CREBBP: variants seen among roughly 807,000 people sequenced by gnomAD.
CREBBP encodes CREB binding lysine acetyltransferase, also known as CREB-binding protein.
A neutral mutation model predicts 265.0 loss-of-function variants in CREBBP; 19 were observed. That is an observed-to-expected ratio of 0.07 (90% CI 0.05 to 0.11). CREBBP has a LOEUF of 0.11. Ranked by LOEUF, CREBBP falls within the 10% of genes least tolerant of loss-of-function variation. The pLI is 1.00. For missense variants in CREBBP, 2,525 were observed against 3,219.0 expected (o/e 0.78, Z 5.22); for synonymous variants, 1,457 against 1,223.7 (o/e 1.19, Z -3.98).
chr16:3,740,351 G>A (rs533445049), intron 24 of CREBBP, 48 bp downstream of exon 24: 73 of 1,610,042 alleles, frequency 4.5e-5, no homozygotes, highest in South Asian at 3.6e-4. Context: ...TCTGGCAAGC[G>A]GGCGTGGGGA....
At chr16:3,788,293 T>C (rs2053432759) in intron 5 of CREBBP, among the ~76,000 whole-genome samples, 1 of 152,218 alleles carries the variant, frequency 6.6e-6, no homozygotes, top group African/African-American at 2.4e-5. Flanking sequence ...ATGTGCACAC[T>C]AATCACCCAG....
chr16:3,851,607 C>A (rs1459605509), intron 1 of CREBBP, among the ~76,000 whole-genome samples: 3 of 152,040 alleles, frequency 2.0e-5, no homozygotes, highest in African/African-American at 4.8e-5. Flanking sequence ...GTAATCCCAG[C>A]ACTTTGGGAG....
Position 3,782,732 on chromosome 16 carries a change from G to C in CREBBP, c.1525C>G (p.Pro509Ala). 6.2e-7 allele frequency: 1 copy of C among 1,614,198 alleles called. No homozygotes were observed. Among genetic ancestry groups the C allele is most frequent in the Non-Finnish European group, 8.5e-7 (1 of 1,180,032 alleles). The change falls in exon 6 of 31, where the codon CCA becomes GCA. Residue 509 changes from proline (P) to alanine (A), a missense_variant. Physicochemically the swap from Pro to Ala is conservative, Grantham distance 27. This residue lies in a region of CREBBP where 144 missense variants were observed against 134.0 expected (regional missense o/e 1.07). Coordinates refer to ENST00000262367, the MANE Select transcript of CREBBP (RefSeq NM_004380.3). ...QLQPQVPGQQ[P>A]AQPQTHQQMR... is the part of the protein sequence containing the mutation. Reference sequence around the variant, plus strand: ...TGCTGGTGGGTTTGAGGCTGTGCTGGTTGCTGGCCAGGAACCTGAGGCTGC... The same window carrying C: ...TGCTGGTGGGTTTGAGGCTGTGCTGCTTGCTGGCCAGGAACCTGAGGCTGC...
At chr16:3,740,320 A>G in intron 24 of CREBBP, 79 bp downstream of exon 24, 1 of 1,568,426 alleles carries the variant, frequency 6.4e-7, no homozygotes, top group Non-Finnish European at 8.8e-7. Flanking sequence ...CTCAAACTCA[A>G]GAGCTTTGCA....
chr16:3,793,235 TG>T, intron 4 of CREBBP, 150 bp downstream of exon 4: 1 of 1,024,098 alleles, frequency 9.8e-7, no homozygotes, highest in Non-Finnish European at 1.5e-6. Flanking sequence ...TGTCGTCGCG[TG>T]GGGAACGTGA....
chr16:3,800,953 G>A (rs901542036), intron 3 of CREBBP, among the ~76,000 whole-genome samples: 1 of 152,160 alleles, frequency 6.6e-6, no homozygotes, highest in Non-Finnish European at 1.5e-5. Flanking sequence ...AATCATGATG[G>A]AGCTATTATT....
chr16:3,876,412 A>AC (rs1399711382), intron 1 of CREBBP, among the ~76,000 whole-genome samples: 2 of 149,460 alleles, frequency 1.3e-5, no homozygotes, highest in East Asian at 1.9e-4. Flanking sequence ...AAAAAAAAAA[A>AC]AAAAAAAAAA....
intron 8 of CREBBP, among the ~76,000 whole-genome samples, chr16:3,779,979 G>A (rs892265614): frequency 1.1e-4 from 17 of 151,994 alleles, no homozygotes; most frequent in African/African-American, 3.9e-4. Context: ...CGGGTGCGGT[G>A]GCTCATAACC....
chr16:3,747,235 C>T (rs761641032), intron 21 of CREBBP, among the ~76,000 whole-genome samples: 6 of 152,170 alleles, frequency 3.9e-5, no homozygotes, highest in Admixed American at 1.3e-4. Context: ...CCAAAGATGA[C>T]CCTCTTACAC....
At chr16:3,777,852 C>A in intron 10 of CREBBP, 159 bp downstream of exon 10, 1 of 1,094,400 alleles carries the variant, frequency 9.1e-7, no homozygotes. Context: ...AGTGTCCCAA[C>A]ACAGCCTGAG....
rs750197913 is a variant in CREBBP, at chr16:3,879,978, G to A, written c.-62C>T. ...GGCCGGGCCGGCGAGGGCCCGGACG[G>A]GGGTCGGGGGCCCTGCCGGCTGCGA... On this transcript the variant is annotated 5_prime_UTR_variant, in exon 1 of 31. Transcript: ENST00000262367. 3.3e-6 allele frequency: 5 copies of A among 1,511,752 alleles called. No individual in the cohort carries two copies. The highest frequency in any genetic ancestry group is 1.4e-5 in the African/African-American group (1 of 71,396). The allele number at this position is 1,511,752 out of a possible 1,614,324, so 93.6% of individuals were successfully genotyped here.
At chr16:3,760,548 G>A (rs1422723460) in intron 16 of CREBBP, among the ~76,000 whole-genome samples, 1 of 150,666 alleles carries the variant, frequency 6.6e-6, no homozygotes, top group Non-Finnish European at 1.5e-5. Context: ...GATTACAGGT[G>A]CCCACCACCA....
At chr16:3,850,175 G>C (rs2054797108) in intron 2 of CREBBP, 122 bp downstream of exon 2, 4 of 896,546 alleles carry the variant, frequency 4.5e-6, no homozygotes, top group Admixed American at 1.8e-5. Context: ...CCAAGCATGA[G>C]TGGCACGTGG....
At chr16:3,849,867 T>C (rs1248345618) in intron 2 of CREBBP, among the ~76,000 whole-genome samples, 1 of 152,078 alleles carries the variant, frequency 6.6e-6, no homozygotes, top group African/African-American at 2.4e-5. Flanking sequence ...CACCTCTTCC[T>C]TGTTAACATA....
rs1413991418 is a variant in CREBBP at position 3,757,793 on chromosome 16, A to G, written c.3609+16T>C. On this transcript the variant is annotated intron_variant, in intron 18 of 30. Coordinates refer to ENST00000262367, the MANE Select transcript of CREBBP (RefSeq NM_004380.3). ...AACCAGGAAAATTCACTTTCCGGAA[A>G]AACTTAAAACTGTACCTTGCGTCCA... 1.2e-6 allele frequency: 2 copies of G among 1,613,742 alleles called. No individual in the cohort carries two copies. Among genetic ancestry groups the G allele is most frequent in the East Asian group, 2.2e-5 (1 of 44,902 alleles).
chr16:3,749,050 G>C (rs1019036319), intron 21 of CREBBP, among the ~76,000 whole-genome samples: 7 of 152,188 alleles, frequency 4.6e-5, no homozygotes, highest in African/African-American at 1.7e-4. Flanking sequence ...GGGAGGCTGA[G>C]GCAGGAGAAT....
At chr16:3,788,132 G>A (rs1022651954) in intron 5 of CREBBP, among the ~76,000 whole-genome samples, 18 of 152,150 alleles carry the variant, frequency 1.2e-4, no homozygotes, top group Admixed American at 1.0e-3. Flanking sequence ...CTCTGGGGCC[G>A]ACCCTGCACA....
intron 19 of CREBBP, among the ~76,000 whole-genome samples, chr16:3,753,448 G>A (rs938470208): frequency 1.3e-5 from 2 of 152,134 alleles, no homozygotes; most frequent in African/African-American, 4.8e-5. Flanking sequence ...ATTAATGAAG[G>A]TTTCTTGCTG....
At chr16:3,832,370 C>CA (rs538154773) in intron 2 of CREBBP, among the ~76,000 whole-genome samples, 1 of 151,992 alleles carries the variant, frequency 6.6e-6, no homozygotes, top group African/African-American at 2.4e-5. Context: ...AAGAACACTC[C>CA]AAAAAAACAG....
Sources: gnomAD v4.1 joint callset for allele counts (sites outside exome capture counted in the v4.1 genomes callset) on GRCh38, gnomAD v4.1.1 for gene constraint, gnomAD v4.1.1 regional missense constraint, MANE v1.5 for transcripts, NCBI Gene and HGNC (gene_info 2026-07-23, HGNC 2026-07-21) for gene names.